TMEM150C: variants seen among roughly 807,000 people sequenced by gnomAD.
The protein encoded by TMEM150C is transmembrane protein 150C.
Under a neutral mutation model 29.9 loss-of-function variants are expected in TMEM150C, and 10 were observed. The ratio of observed to expected loss-of-function variants is 0.33; its 90% CI spans 0.21 to 0.57. TMEM150C has a LOEUF of 0.57. Ranked by LOEUF, TMEM150C falls within the 20% of genes least tolerant of loss-of-function variation. TMEM150C has a pLI of 0.88. For missense variants in TMEM150C, 251 were observed against 303.6 expected (o/e 0.83, Z 1.29); for synonymous variants, 101 against 112.5 (o/e 0.90, Z 0.64).
chr4:82,502,692 C>G (rs1333812936), intron 5 of TMEM150C, 35 bp downstream of exon 5: 1 of 1,575,106 alleles, frequency 6.3e-7, no homozygotes, highest in African/African-American at 1.3e-5. Flanking sequence ...AGAAATGTAC[C>G]AAAGCACATA....
chr4:82,495,227 G>A, intron 6 of TMEM150C: 1 of 291,826 alleles, frequency 3.4e-6, no homozygotes, highest in Non-Finnish European at 6.6e-6. Context: ...CAGATCGCGA[G>A]GTCAGGAGAT....
At chr4:82,545,704 C>G (rs1008975019) in intron 1 of TMEM150C, among the ~76,000 whole-genome samples, 1 of 152,274 alleles carries the variant, frequency 6.6e-6, no homozygotes, top group South Asian at 2.1e-4. Flanking sequence ...CTGAGGCTGG[C>G]AAATCACTTA....
chr4:82,494,836 CT>C, intron 6 of TMEM150C: 2 of 224,094 alleles, frequency 8.9e-6, no homozygotes, highest in Non-Finnish European at 1.8e-5. Flanking sequence ...CTCAAAAAAT[CT>C]TTTTCCTGAC....
At chr4:82,504,771 C>T in intron 1 of TMEM150C, 104 bp from the exon 2 acceptor site, 1 of 877,812 alleles carries the variant, frequency 1.1e-6, no homozygotes, top group South Asian at 1.5e-5. Flanking sequence ...TGGCTTACAC[C>T]TGTAATCCCA....
chr4:82,553,519 C>T (rs1427963332), intron 1 of TMEM150C, among the ~76,000 whole-genome samples: 1 of 152,158 alleles, frequency 6.6e-6, no homozygotes, highest in Non-Finnish European at 1.5e-5. Flanking sequence ...GCGTGCCTTC[C>T]AAAGGCATTT....
chr4:82,485,846 G>C (rs1723143014), intron 7 of TMEM150C, 127 bp from the exon 8 acceptor site: 1 of 777,536 alleles, frequency 1.3e-6, no homozygotes, highest in Non-Finnish European at 2.1e-6. Context: ...TAGCCTGCTA[G>C]AGCTTGTTGA....
chr4:82,512,964 A>T (rs183860871), intron 1 of TMEM150C, among the ~76,000 whole-genome samples: 2 of 152,304 alleles, frequency 1.3e-5, no homozygotes, highest in Admixed American at 1.3e-4. Context: ...TAAAACTTCC[A>T]TCTCCCTGGG....
At position 82,495,201 on chromosome 4, in the gene TMEM150C, G is replaced by A. The variant is rs560161067; in HGVS notation, c.363+867C>T. On this transcript the variant is annotated intron_variant, in intron 6 of 7. Transcript: ENST00000449862. ...CTCAGGCCTGTAATCCCAGCAACTT[G>A]GGAGGCCGAGGCGGGCAGATCGCGA... 4.9e-4 allele frequency: 160 copies of A among 327,580 alleles called. 2 individuals are homozygous for A. The highest frequency in any genetic ancestry group is 2.2e-3 in the Admixed American group (61 of 27,886). 20.3% of individuals were successfully genotyped at this position (327,580 alleles called of 1,614,324 possible).
chr4:82,484,360 G>A lies in TMEM150C; in HGVS notation c.*1151C>T, dbSNP rs1723093823. ...TGTGTCAATTTGGTTTTTAGGAAGG[G>A]TATTCTTTTAATTGGCTTCTACAAA... On this transcript the variant is annotated 3_prime_UTR_variant, in exon 8 of 8. Coordinates refer to ENST00000449862, the MANE Select transcript of TMEM150C (RefSeq NM_001080506.3). 1 of 150,064 alleles carries A rather than the reference G, an allele frequency of 6.7e-6. No individual in the cohort carries two copies. The highest frequency in any genetic ancestry group is 2.1e-4 in the South Asian group (1 of 4,730). The allele number at this position is 150,064 out of a possible 1,614,324, so 9.3% of individuals were successfully genotyped here.
chr4:82,506,376 G>C (rs1156901707), intron 1 of TMEM150C, among the ~76,000 whole-genome samples: 1 of 152,234 alleles, frequency 6.6e-6, no homozygotes, highest in Non-Finnish European at 1.5e-5. Flanking sequence ...TTCAACAGTT[G>C]TGCCTTTGTC....
At chr4:82,495,769 C>G in intron 6 of TMEM150C, 1 of 387,788 alleles carries the variant, frequency 2.6e-6, no homozygotes. Context: ...CCATTCTTCA[C>G]CCAGAGCATA....
chr4:82,526,144 A>G (rs1454664184), intron 1 of TMEM150C, among the ~76,000 whole-genome samples: 1 of 152,206 alleles, frequency 6.6e-6, no homozygotes, highest in Admixed American at 6.5e-5. Context: ...GGCTCAAGCA[A>G]TCCTCCCACC....
intron 1 of TMEM150C, among the ~76,000 whole-genome samples, chr4:82,518,789 A>T (rs1724379681): frequency 6.6e-6 from 1 of 152,164 alleles, no homozygotes; most frequent in Non-Finnish European, 1.5e-5. Context: ...AACCTGACTA[A>T]TTCACCTTTA....
At chr4:82,559,269 GCACAGTGGCTCCTGGCTGTAT>G (rs1725840440) in intron 1 of TMEM150C, among the ~76,000 whole-genome samples, 2 of 152,098 alleles carry the variant, frequency 1.3e-5, no homozygotes, top group Non-Finnish European at 2.9e-5. Context: ...CAGGGGCTGG[GCACAGTGGCTCCTGGCTGTAT>G]TCCCAGCACT....
At chr4:82,504,720 C>G in intron 1 of TMEM150C, 53 bp from the exon 2 acceptor site, 2 of 1,468,616 alleles carry the variant, frequency 1.4e-6, no homozygotes, top group South Asian at 2.4e-5. Flanking sequence ...TTACTTCACT[C>G]TTTCAAGATA....
At chr4:82,519,085 G>A (rs1042047177) in intron 1 of TMEM150C, among the ~76,000 whole-genome samples, 1 of 152,142 alleles carries the variant, frequency 6.6e-6, no homozygotes, top group African/African-American at 2.4e-5. Flanking sequence ...TTGATTTGGA[G>A]GACGAGTGTT....
chr4:82,506,632 A>G (rs572628747), intron 1 of TMEM150C, among the ~76,000 whole-genome samples: 4 of 152,336 alleles, frequency 2.6e-5, no homozygotes, highest in East Asian at 1.9e-4. Flanking sequence ...TCTACGCAAT[A>G]TATAAAAGCT....
At chr4:82,524,895 G>T (rs971236061) in intron 1 of TMEM150C, among the ~76,000 whole-genome samples, 5 of 152,172 alleles carry the variant, frequency 3.3e-5, no homozygotes, top group Non-Finnish European at 7.4e-5. Flanking sequence ...CAGGCATCCT[G>T]GGTAAGGGAC....
chr4:82,504,609 T>G lies in TMEM150C; in HGVS notation c.49A>C (p.Thr17Pro). The stretch of plus-strand genomic sequence containing the variant: ...CACAATCCAGCTGAAGTAAACAAAG[T>G]AAATACAAGAGGTAGGAACATCCAT... The part of the protein sequence containing the change: ...SVWMFLPLVF[T>P]LFTSAGLWIV... Residue 17 changes from threonine (T) to proline (P), a missense_variant, in exon 2 of 8, where the codon ACT (threonine) becomes CCT (proline). Coordinates refer to ENST00000449862, the MANE Select transcript of TMEM150C (RefSeq NM_001080506.3). The G allele has an allele frequency of 2.5e-6, 4 of 1,613,670 alleles. No individual in the cohort carries two copies. Among genetic ancestry groups the G allele is most frequent in the Non-Finnish European group, 3.4e-6 (4 of 1,179,732 alleles).
Sources: gnomAD v4.1 joint callset for allele counts (sites outside exome capture counted in the v4.1 genomes callset) on GRCh38, gnomAD v4.1.1 for gene constraint, MANE v1.5 for transcripts, NCBI Gene and HGNC (gene_info 2026-07-23, HGNC 2026-07-21) for gene names.